The following GRB10 variants were observed in gnomAD, a reference collection of about 807,000 sequenced individuals.
GRB10 encodes growth factor receptor-bound protein 10.
A neutral mutation model predicts 80.9 loss-of-function variants in GRB10; 20 were observed. That is an observed-to-expected ratio of 0.25 (90% confidence interval 0.17 to 0.36). The LOEUF is 0.36. Ranked by LOEUF, GRB10 falls within the 10% of genes least tolerant of loss-of-function variation. GRB10 has a pLI of 1.00. For missense variants in GRB10, 548 were observed against 747.7 expected (o/e 0.73, Z 3.12); for synonymous variants, 291 against 291.5 (o/e 1.00, Z 0.02).
At chr7:50,715,475 C>T (rs968889309) in intron 4 of GRB10, among the ~76,000 whole-genome samples, 3 of 152,208 alleles carry the variant, frequency 2.0e-5, no homozygotes, top group Non-Finnish European at 2.9e-5. Context: ...TGGTGGATCC[C>T]AACCTTGCTG....
At chr7:50,637,657 T>A (rs1224876532) in intron 7 of GRB10, among the ~76,000 whole-genome samples, 2 of 151,762 alleles carry the variant, frequency 1.3e-5, no homozygotes, top group African/African-American at 4.8e-5. Flanking sequence ...ATAATTTCTA[T>A]CAAATTTCCA....
At chr7:50,777,151 G>T (rs62447568) in intron 2 of GRB10, among the ~76,000 whole-genome samples, 5 of 152,152 alleles carry the variant, frequency 3.3e-5, no homozygotes, top group African/African-American at 1.2e-4. Flanking sequence ...AGGCACTGGG[G>T]TTCAGTGTCT....
At position 50,693,011 on chromosome 7, in the gene GRB10, C is replaced by T. The variant is rs190324892; in HGVS notation, c.139+10810G>A. Among the ~76,000 whole-genome samples the T allele has an allele frequency of 5.4e-3, 821 of 152,180 alleles. 12 individuals carry two copies. Among genetic ancestry groups the T allele is most frequent in the African/African-American group, 0.019 (781 of 41,516 alleles). On this transcript the variant is annotated intron_variant, in intron 5 of 18. Transcript: ENST00000401949. ...ACATGCAGGGAGGTTCTAGCACAGG[C>T]CTCAAAGTCATCATCAGCATCATTA...
At chr7:50,735,230 CT>C (rs1472723606) in intron 3 of GRB10, among the ~76,000 whole-genome samples, 1 of 152,156 alleles carries the variant, frequency 6.6e-6, no homozygotes, top group Non-Finnish European at 1.5e-5. Context: ...TAACAAAATA[CT>C]TAGAAATACA....
intron 4 of GRB10, chr7:50,729,479 T>TG: frequency 6.6e-6 from 1 of 152,186 alleles, no homozygotes; most frequent in Non-Finnish European, 1.5e-5. Context: ...GCCTGGAGGC[T>TG]GGACATGGTT....
At chr7:50,676,775 G>A (rs1485525288) in intron 5 of GRB10, among the ~76,000 whole-genome samples, 1 of 150,860 alleles carries the variant, frequency 6.6e-6, no homozygotes, top group Non-Finnish European at 1.5e-5. Flanking sequence ...GTATGGAGTG[G>A]GCAGGGTCAC....
At chr7:50,628,063 G>A (rs1175077639) in intron 7 of GRB10, among the ~76,000 whole-genome samples, 1 of 152,200 alleles carries the variant, frequency 6.6e-6, no homozygotes, top group Non-Finnish European at 1.5e-5. Flanking sequence ...GGGTGAGGAC[G>A]CCAACCACAA....
intron 1 of GRB10, among the ~76,000 whole-genome samples, chr7:50,791,189 A>G (rs947731518): frequency 6.6e-6 from 1 of 152,230 alleles, no homozygotes; most frequent in African/African-American, 2.4e-5. Flanking sequence ...TACAGTAAAC[A>G]TAACTACCAC....
At chr7:50,696,053 C>T (rs2063379316) in intron 5 of GRB10, among the ~76,000 whole-genome samples, 1 of 152,100 alleles carries the variant, frequency 6.6e-6, no homozygotes, top group African/African-American at 2.4e-5. Context: ...TATTTTAAGA[C>T]AGAATAATAG....
At chr7:50,675,474 T>A (rs1416710527) in intron 5 of GRB10, among the ~76,000 whole-genome samples, 1 of 152,236 alleles carries the variant, frequency 6.6e-6, no homozygotes, top group African/African-American at 2.4e-5. Flanking sequence ...GTGAAAGTAT[T>A]TTTTAGATGT....
At chr7:50,728,580 T>A (rs1302150502) in intron 4 of GRB10, among the ~76,000 whole-genome samples, 1 of 152,138 alleles carries the variant, frequency 6.6e-6, no homozygotes, top group African/African-American at 2.4e-5. Flanking sequence ...AAAACTTTCT[T>A]CTGTAAAGGG....
intron 4 of GRB10, among the ~76,000 whole-genome samples, chr7:50,710,173 G>C (rs376801807): frequency 6.6e-6 from 1 of 152,070 alleles, no homozygotes. Context: ...GAAGTAACAA[G>C]GGTGAATGGA....
intron 4 of GRB10, among the ~76,000 whole-genome samples, chr7:50,725,226 C>G (rs2068435187): frequency 6.6e-6 from 1 of 152,198 alleles, no homozygotes; most frequent in East Asian, 1.9e-4. Context: ...CAGTAAGTTG[C>G]CACGAGACCT....
At chr7:50,717,841 G>A (rs972676241) in intron 4 of GRB10, among the ~76,000 whole-genome samples, 2 of 152,230 alleles carry the variant, frequency 1.3e-5, no homozygotes, top group Non-Finnish European at 2.9e-5. Flanking sequence ...CAGATACACA[G>A]ATCGGTTCAC....
At chr7:50,763,239 G>A (rs929263038) in intron 2 of GRB10, among the ~76,000 whole-genome samples, 1 of 152,202 alleles carries the variant, frequency 6.6e-6, no homozygotes, top group Non-Finnish European at 1.5e-5. Context: ...TAAAAATGGG[G>A]AGAGGATAGA....
At position 50,674,619 on chromosome 7, in the gene GRB10, T is replaced by C. The variant is rs868508118; in HGVS notation, c.179A>G (p.Asn60Ser). 1.2e-6 allele frequency: 2 copies of C among 1,613,862 alleles called. No homozygotes were observed. Among genetic ancestry groups the C allele is most frequent in the African/African-American group, 2.7e-5 (2 of 75,050 alleles). Residue 60 changes from asparagine to serine, a missense_variant, in exon 6 of 19, where the codon AAT (asparagine) becomes AGT (serine). Transcript: ENST00000401949. ...VDLEALVNDM[N>S]ASLESLYSAC... ...CGAGTACAGGCTCTCCAGGGATGCA[T>C]TCATATCGTTCACCAGGGCTTCCAG...
At chr7:50,755,720 G>C (rs2074975167) in intron 3 of GRB10, among the ~76,000 whole-genome samples, 167 bp downstream of exon 3, 1 of 152,192 alleles carries the variant, frequency 6.6e-6, no homozygotes, top group Non-Finnish European at 1.5e-5. Flanking sequence ...GAGAGGGAGA[G>C]AGAGGACAGA....
chr7:50,714,536 G>A lies in GRB10; in HGVS notation c.52-10628C>T, dbSNP rs567048993. On this transcript the variant is annotated intron_variant, in intron 4 of 18. Coordinates refer to ENST00000401949, the MANE Select transcript of GRB10 (RefSeq NM_001350814.2). ...AAATTAGACGGGTGTGGTGGCGGGC[G>A]CCTGTAGTCCCAGCTACTCAGGAGG... Among the ~76,000 whole-genome samples the A allele has an allele frequency of 4.7e-3, 722 of 152,054 alleles. 2 individuals carry two copies. Among genetic ancestry groups the A allele is most frequent in the Non-Finnish European group, 7.6e-3 (519 of 67,976 alleles).
At chr7:50,655,048 T>A (rs1586431122) in intron 7 of GRB10, among the ~76,000 whole-genome samples, 1 of 152,234 alleles carries the variant, frequency 6.6e-6, no homozygotes. Flanking sequence ...GGCTCTTTAG[T>A]TCCTCAGATT....
Sources: allele counts gnomAD v4.1 joint callset (sites outside exome capture counted in the v4.1 genomes callset), GRCh38; gene constraint gnomAD v4.1.1; transcripts MANE v1.5; gene names NCBI Gene and HGNC (gene_info 2026-07-23, HGNC 2026-07-21).